FAF1: variants seen among roughly 807,000 people sequenced by gnomAD.
The protein encoded by FAF1 is Fas associated factor 1, also known as FAS-associated factor 1.
Under a neutral mutation model 92.5 loss-of-function variants are expected in FAF1, and 25 were observed. That is an observed-to-expected ratio of 0.27 (90% CI 0.20 to 0.38). The LOEUF is 0.38. Among genes scored for constraint, FAF1 ranks in the 10% least tolerant of loss-of-function variants. FAF1 has a pLI of 1.00. For missense variants in FAF1, 636 were observed against 793.3 expected, an observed-to-expected ratio of 0.80 and a Z score of 2.38; for synonymous variants, 234 against 273.2, an observed-to-expected ratio of 0.86 and a Z score of 1.42.
At chr1:50,938,851 T>C (rs1442474864) in intron 1 of FAF1, among the ~76,000 whole-genome samples, 4 of 152,216 alleles carry the variant, frequency 2.6e-5, no homozygotes, top group Non-Finnish European at 2.9e-5. Flanking sequence ...ATTGTTTTTG[T>C]CAGCCTTGTC....
chr1:50,672,348 G>A (rs893462499), intron 7 of FAF1, among the ~76,000 whole-genome samples: 1 of 151,412 alleles, frequency 6.6e-6, no homozygotes, highest in Non-Finnish European at 1.5e-5. Context: ...AGCCAGTTTT[G>A]TTTTGTTTTG....
chr1:50,814,953 T>C (rs1471202156), intron 2 of FAF1, among the ~76,000 whole-genome samples: 1 of 152,196 alleles, frequency 6.6e-6, no homozygotes, highest in African/African-American at 2.4e-5. Flanking sequence ...ATCGCTGCTG[T>C]CGCAAACAAT....
At chr1:50,705,994 G>T in intron 6 of FAF1, 103 bp from the exon 7 acceptor site, 1 of 613,168 alleles carries the variant, frequency 1.6e-6, no homozygotes, top group Non-Finnish European at 2.9e-6. Flanking sequence ...CCTCCACACA[G>T]GCATGTCTGG....
chr1:50,885,120 G>A (rs1375515287), intron 1 of FAF1, among the ~76,000 whole-genome samples: 8 of 151,970 alleles, frequency 5.3e-5, no homozygotes, highest in East Asian at 1.9e-4. Flanking sequence ...ATAACGTGTC[G>A]TTTTTCATCT....
chr1:50,846,525 C>A, intron 2 of FAF1: 1 of 498,066 alleles, frequency 2.0e-6, no homozygotes, highest in Admixed American at 2.1e-5. Flanking sequence ...CAGACTGCTG[C>A]TGCTTTGAAA....
At position 50,889,655 on chromosome 1, in the gene FAF1, T is replaced by C. The variant is rs370288194; in HGVS notation, c.46-31658A>G. Among the ~76,000 whole-genome samples the C allele has an allele frequency of 2.0e-4, 30 of 152,376 alleles. No individual in the cohort carries two copies. The South Asian group carries it at 4.6e-3, about 23-fold the overall frequency. On this transcript the variant is annotated intron_variant, in intron 1 of 18. Transcript: ENST00000396153. ...GTCATTCAGGAGCAGGTTGTTCAGT[T>C]TCCATGTAGTTGAGCAGTTTTGAGT...
chr1:50,712,448 G>A (rs1657973032), intron 6 of FAF1, among the ~76,000 whole-genome samples: 1 of 152,102 alleles, frequency 6.6e-6, no homozygotes, highest in Non-Finnish European at 1.5e-5. Flanking sequence ...TTGAGGCCAG[G>A]AATTTGAGAC....
At chr1:50,822,049 A>G (rs1330597369) in intron 2 of FAF1, among the ~76,000 whole-genome samples, 1 of 151,680 alleles carries the variant, frequency 6.6e-6, no homozygotes, top group Non-Finnish European at 1.5e-5. Context: ...CCTGCTGTAT[A>G]TTTTTGCAGT....
intron 18 of FAF1, among the ~76,000 whole-genome samples, chr1:50,449,786 C>G (rs969833020): frequency 6.6e-6 from 1 of 151,762 alleles, no homozygotes; most frequent in African/African-American, 2.4e-5. Context: ...CCGCGCCTGG[C>G]CTAACTAATC....
At chr1:50,788,761 T>A (rs1347067002) in intron 3 of FAF1, among the ~76,000 whole-genome samples, 3 of 152,162 alleles carry the variant, frequency 2.0e-5, no homozygotes, top group Non-Finnish European at 4.4e-5. Context: ...ACATAAGCAC[T>A]CTCTCTTTCT....
intron 1 of FAF1, among the ~76,000 whole-genome samples, chr1:50,908,702 T>A (rs1644859764): frequency 7.0e-6 from 1 of 141,994 alleles, no homozygotes; most frequent in Non-Finnish European, 1.5e-5. Flanking sequence ...AACCCCTGCC[T>A]TTTTTTTTGC....
chr1:50,691,409 A>G (rs1409037700), intron 7 of FAF1, among the ~76,000 whole-genome samples: 1 of 151,434 alleles, frequency 6.6e-6, no homozygotes, highest in African/African-American at 2.4e-5. Context: ...TGTCCACTTC[A>G]CTTTTGTGTT....
chr1:50,721,670 G>A (rs1333504371), intron 6 of FAF1, among the ~76,000 whole-genome samples: 3 of 151,976 alleles, frequency 2.0e-5, no homozygotes, highest in East Asian at 1.9e-4. Context: ...TGTCACCCAC[G>A]CTGGAGTCAG....
chr1:50,835,728 T>C (rs1374198799), intron 2 of FAF1, among the ~76,000 whole-genome samples: 1 of 152,114 alleles, frequency 6.6e-6, no homozygotes, highest in African/African-American at 2.4e-5. Context: ...TAGAACCAGA[T>C]ATTAAATATG....
At chr1:50,694,677 G>T (rs1400069043) in intron 7 of FAF1, among the ~76,000 whole-genome samples, 1 of 151,694 alleles carries the variant, frequency 6.6e-6, no homozygotes, top group African/African-American at 2.4e-5. Context: ...CAGGCTTGGT[G>T]GCTCACGCCT....
At chr1:50,688,497 A>G (rs1194009118) in intron 7 of FAF1, among the ~76,000 whole-genome samples, 1 of 152,166 alleles carries the variant, frequency 6.6e-6, no homozygotes, top group Non-Finnish European at 1.5e-5. Context: ...ATACAATGGA[A>G]TATTACTCAG....
At chr1:50,799,625 C>T (rs941792111) in intron 3 of FAF1, among the ~76,000 whole-genome samples, 1 of 151,970 alleles carries the variant, frequency 6.6e-6, no homozygotes, top group Non-Finnish European at 1.5e-5. Flanking sequence ...TATTTATTTC[C>T]TACCAAAAGT....
At chr1:50,619,255 A>G (rs1653078895) in intron 8 of FAF1, among the ~76,000 whole-genome samples, 1 of 152,172 alleles carries the variant, frequency 6.6e-6, no homozygotes, top group South Asian at 2.1e-4. Context: ...GTACTGATAT[A>G]TGTGATTTTG....
At chr1:50,710,881 C>A (rs1251861665) in intron 6 of FAF1, among the ~76,000 whole-genome samples, 1 of 149,652 alleles carries the variant, frequency 6.7e-6, no homozygotes, top group African/African-American at 2.5e-5. Context: ...GGATTATAGG[C>A]ATGAGCCACC....
Sources: allele counts gnomAD v4.1 joint callset (sites outside exome capture counted in the v4.1 genomes callset), GRCh38; gene constraint gnomAD v4.1.1; transcripts MANE v1.5; gene names NCBI Gene and HGNC (gene_info 2026-07-23, HGNC 2026-07-21).